Variants in TMPRSS15 observed in about 807,000 individuals in gnomAD.
TMPRSS15 encodes transmembrane serine protease 15.
In TMPRSS15, 128 loss-of-function variants were observed where a neutral mutation model predicts 125.3. The ratio of observed to expected loss-of-function variants is 1.02; its 90% CI spans 0.89 to 1.18. TMPRSS15 has a LOEUF of 1.18. Among genes scored for constraint, TMPRSS15 ranks in the 50% most tolerant of loss-of-function variants. The pLI is 0.00. For synonymous variants in TMPRSS15, 446 were observed against 423.2 expected, an observed-to-expected ratio of 1.05 and a Z score of -0.66; for missense variants, 1,283 against 1,212.7, an observed-to-expected ratio of 1.06 and a Z score of -0.86.
At chr21:18,355,497 A>G (rs1389940322) in intron 8 of TMPRSS15, among the ~76,000 whole-genome samples, 2 of 151,852 alleles carry the variant, frequency 1.3e-5, no homozygotes, top group African/African-American at 4.8e-5. Flanking sequence ...TTCATAAGAT[A>G]GTCTTAAAGT....
intron 10 of TMPRSS15, among the ~76,000 whole-genome samples, chr21:18,346,072 G>T (rs1026870386): frequency 6.6e-6 from 1 of 151,804 alleles, no homozygotes. Context: ...ATATAGAATT[G>T]CATATTATTG....
chr21:18,353,599 T>C (rs1234526302), intron 9 of TMPRSS15, 124 bp downstream of exon 9: 5 of 786,444 alleles, frequency 6.4e-6, no homozygotes, highest in African/African-American at 5.3e-5. Context: ...AAGAGAAAGA[T>C]GCACATACAA....
intron 14 of TMPRSS15, among the ~76,000 whole-genome samples, chr21:18,329,860 T>C (rs1021436808): frequency 2.6e-4 from 40 of 152,020 alleles, no homozygotes; most frequent in African/African-American, 8.7e-4. Context: ...TTCTAGGCTA[T>C]TCTTCTCTCA....
intron 21 of TMPRSS15, among the ~76,000 whole-genome samples, chr21:18,293,455 T>G (rs1041469498): frequency 6.6e-6 from 1 of 152,150 alleles, no homozygotes. Flanking sequence ...GGACAGGAGA[T>G]GAGTCCTAGA....
At chr21:18,348,825 A>G (rs1046088039) in intron 10 of TMPRSS15, among the ~76,000 whole-genome samples, 6 of 152,244 alleles carry the variant, frequency 3.9e-5, no homozygotes, top group African/African-American at 1.4e-4. Context: ...GCAGTATGAA[A>G]AGAAAGTAGT....
chr21:18,456,670 T>C (rs1978447479), intron 1 of TMPRSS15, among the ~76,000 whole-genome samples: 1 of 152,108 alleles, frequency 6.6e-6, no homozygotes, highest in East Asian at 1.9e-4. Flanking sequence ...ATTAGAGCTG[T>C]ATATTATTCA....
At chr21:18,309,280 GT>G (rs1469103783) in intron 18 of TMPRSS15, among the ~76,000 whole-genome samples, 1 of 152,048 alleles carries the variant, frequency 6.6e-6, no homozygotes, top group Non-Finnish European at 1.5e-5. Context: ...AGACTTAAAC[GT>G]AAGACCTAAA....
chr21:18,468,404 G>GATACTT (rs1051611366), intron 1 of TMPRSS15, among the ~76,000 whole-genome samples: 15 of 152,236 alleles, frequency 9.9e-5, no homozygotes, highest in African/African-American at 3.6e-4. Context: ...TACTGAAGAA[G>GATACTT]ATACTTCTCT....
intron 21 of TMPRSS15, among the ~76,000 whole-genome samples, chr21:18,282,967 G>C (rs2074719173): frequency 6.6e-6 from 1 of 152,184 alleles, no homozygotes; most frequent in African/African-American, 2.4e-5. Flanking sequence ...CCACATAGGG[G>C]AAGTTATCTC....
chr21:18,273,218 C>T (rs947019843), intron 24 of TMPRSS15, among the ~76,000 whole-genome samples: 2 of 152,314 alleles, frequency 1.3e-5, no homozygotes, highest in Admixed American at 1.3e-4. Flanking sequence ...CACTAAAAGG[C>T]AAGCCTTTGG....
chr21:18,396,791 A>ATCT (rs1555909714), intron 3 of TMPRSS15, among the ~76,000 whole-genome samples: 968 of 57,868 alleles, frequency 0.017, 38 homozygotes, highest in African/African-American at 0.06. Flanking sequence ...AAAAAAAAAA[A>ATCT]ATCTGTCTGT....
intron 1 of TMPRSS15, among the ~76,000 whole-genome samples, chr21:18,469,686 G>A (rs1978738361): frequency 6.6e-6 from 1 of 152,006 alleles, no homozygotes; most frequent in Non-Finnish European, 1.5e-5. Context: ...TATAATTAAG[G>A]AGCAAAGTTA....
rs577354156 is a variant in TMPRSS15 at position 18,391,951 on chromosome 21, C to T, written c.344+5928G>A. Among the ~76,000 whole-genome samples the T allele has an allele frequency of 1.6e-3, 241 of 152,016 alleles. 1 individual carries two copies. The highest frequency in any genetic ancestry group is 4.8e-3 in the African/African-American group (198 of 41,486). On this transcript the variant is annotated intron_variant, in intron 3 of 24. Transcript: ENST00000284885. ...GAGCTTGCACCCTCTTAAGCAATGG[C>T]CTGACCTGTACACTGGGCCCTTTTA...
chr21:18,389,703 T>C (rs1469695128), intron 3 of TMPRSS15, among the ~76,000 whole-genome samples: 1 of 152,178 alleles, frequency 6.6e-6, no homozygotes, highest in Non-Finnish European at 1.5e-5. Flanking sequence ...TTAAATAAGC[T>C]TCATTTGACC....
intron 8 of TMPRSS15, among the ~76,000 whole-genome samples, chr21:18,355,447 A>C (rs2075615703): frequency 6.6e-6 from 1 of 151,850 alleles, no homozygotes; most frequent in South Asian, 2.1e-4. Context: ...AATCTCCTAA[A>C]ATGGTGTAGA....
chr21:18,292,284 C>T (rs1483437454), intron 21 of TMPRSS15, among the ~76,000 whole-genome samples: 1 of 152,170 alleles, frequency 6.6e-6, no homozygotes, highest in Admixed American at 6.5e-5. Flanking sequence ...CGTTCCTTCT[C>T]TTGCTTTCTA....
chr21:18,418,265 T>C (rs2076184636), intron 1 of TMPRSS15, among the ~76,000 whole-genome samples: 1 of 152,226 alleles, frequency 6.6e-6, no homozygotes, highest in Admixed American at 6.5e-5. Flanking sequence ...TTCTGTGGAT[T>C]AGAGGTGAGA....
chr21:18,418,722 T>A (rs1044802696), intron 1 of TMPRSS15, among the ~76,000 whole-genome samples: 11 of 152,202 alleles, frequency 7.2e-5, no homozygotes, highest in African/African-American at 2.7e-4. Context: ...ATATTGTGAT[T>A]TAAATATTTA....
intron 1 of TMPRSS15, among the ~76,000 whole-genome samples, chr21:18,434,537 T>C (rs2076223767): frequency 6.6e-6 from 1 of 152,124 alleles, no homozygotes; most frequent in Non-Finnish European, 1.5e-5. Flanking sequence ...TTTAAAAATA[T>C]CTATGTAAAC....
Sources: gnomAD v4.1 joint callset for allele counts (sites outside exome capture counted in the v4.1 genomes callset) on GRCh38, gnomAD v4.1.1 for gene constraint, MANE v1.5 for transcripts, NCBI Gene and HGNC (gene_info 2026-07-23, HGNC 2026-07-21) for gene names.